Variants in RBM5 observed in about 807,000 individuals in gnomAD.
RBM5 encodes the protein RNA-binding protein 5.
RBM5 carries 15 observed loss-of-function variants against 124.6 expected under a neutral mutation model. The observed-to-expected ratio is 0.12, with a 90% CI of 0.08 to 0.19. RBM5 has a LOEUF of 0.19. RBM5 is among the 10% of genes least tolerant of loss of function. RBM5 has a pLI of 1.00. For synonymous variants in RBM5, 337 were observed against 361.2 expected (o/e 0.93, Z 0.76); for missense variants, 580 against 1,026.5 (o/e 0.57, Z 5.94).
intron 2 of RBM5, among the ~76,000 whole-genome samples, chr3:50,091,577 T>C (rs1164347706): frequency 1.3e-5 from 2 of 152,186 alleles, no homozygotes; most frequent in African/African-American, 4.8e-5. Flanking sequence ...ACTTAGTTCA[T>C]CCAGGTTTTT....
chr3:50,111,306 A>G (rs1441958633), intron 17 of RBM5, among the ~76,000 whole-genome samples: 1 of 152,236 alleles, frequency 6.6e-6, no homozygotes, highest in Non-Finnish European at 1.5e-5. Context: ...GTCTAATCTC[A>G]GAACATTTTC....
chr3:50,106,981 T>G, intron 11 of RBM5, 117 bp downstream of exon 11: 1 of 882,550 alleles, frequency 1.1e-6, no homozygotes, highest in African/African-American at 1.7e-5. Flanking sequence ...CCTCCCTGAT[T>G]GCCAAGGCCA....
intron 4 of RBM5, among the ~76,000 whole-genome samples, chr3:50,098,517 A>G (rs916953860): frequency 2.6e-5 from 4 of 151,822 alleles, no homozygotes; most frequent in Admixed American, 2.0e-4. Context: ...ATCTCGGCTC[A>G]CTGCAACCTC....
chr3:50,117,421 G>A lies in RBM5; in HGVS notation c.2322+42G>A, dbSNP rs762990104. 6.2e-7 allele frequency: 1 copy of A among 1,609,732 alleles called. No homozygotes were observed. The highest frequency in any genetic ancestry group is 1.1e-5 in the South Asian group (1 of 90,726). ...GGTCTTGATGTTTGCCAGGCTTACA[G>A]GCCGGTTCCAGAGATGAGATCAGAG... On this transcript the variant is annotated intron_variant, in intron 24 of 24. Transcript: ENST00000347869. The surrounding 1 kb of genome is among the most constrained non-coding windows in gnomAD (Gnocchi z 4.2).
At chr3:50,105,768 G>T in intron 10 of RBM5, 59 bp downstream of exon 10, 1 of 1,565,440 alleles carries the variant, frequency 6.4e-7, no homozygotes, top group Non-Finnish European at 8.7e-7. Flanking sequence ...GGCAAATGTG[G>T]TTCATCCAGT....
intron 20 of RBM5, 66 bp downstream of exon 20, chr3:50,114,317 C>T (rs2091201608): frequency 6.8e-7 from 1 of 1,471,650 alleles, no homozygotes; most frequent in Middle Eastern, 2.4e-4. Flanking sequence ...TAAGGCTCAA[C>T]TGCATCTTGG....
chr3:50,099,933 T>C, intron 4 of RBM5, 49 bp from the exon 5 acceptor site: 1 of 1,524,800 alleles, frequency 6.6e-7, no homozygotes, highest in Non-Finnish European at 9.0e-7. Context: ...CCATGGGGAA[T>C]AGTGTGTGGC....
At chr3:50,094,578 C>T (rs965095595) in intron 4 of RBM5, among the ~76,000 whole-genome samples, 32 of 152,198 alleles carry the variant, frequency 2.1e-4, no homozygotes, top group Non-Finnish European at 5.9e-5. Context: ...ACTGCAGCCT[C>T]AAACTCCTGG....
At chr3:50,109,567 G>A in intron 14 of RBM5, 36 bp from the exon 15 acceptor site, 1 of 1,571,494 alleles carries the variant, frequency 6.4e-7, no homozygotes. Flanking sequence ...GGCGTTCAGT[G>A]CCTTGGCTTT....
At chr3:50,089,863 G>A (rs1325012256) in intron 1 of RBM5, 1 of 155,422 alleles carries the variant, frequency 6.4e-6, no homozygotes, top group Non-Finnish European at 1.4e-5. Flanking sequence ...TTCTAGCTTT[G>A]CTCTTGTCTT....
intron 4 of RBM5, among the ~76,000 whole-genome samples, chr3:50,099,146 T>A (rs149753407): frequency 6.6e-6 from 1 of 151,894 alleles, no homozygotes; most frequent in African/African-American, 2.4e-5. Flanking sequence ...TCCCAGCTAC[T>A]TAGGAGGCTG....
intron 6 of RBM5, chr3:50,102,402 A>C (rs1047741716): frequency 2.6e-5 from 4 of 152,164 alleles, no homozygotes; most frequent in African/African-American, 9.7e-5. Context: ...CCTTGAAGAG[A>C]GTACCATCCA....
chr3:50,101,943 T>A (rs1053500851), intron 6 of RBM5: 2 of 152,206 alleles, frequency 1.3e-5, no homozygotes, highest in Admixed American at 1.3e-4. Context: ...TATATCACAG[T>A]GAGTGGATGG....
At chr3:50,090,493 TGGGG>T in intron 2 of RBM5, 42 bp downstream of exon 2, 1 of 1,608,666 alleles carries the variant, frequency 6.2e-7, no homozygotes, top group Non-Finnish European at 8.5e-7. Context: ...AACATTTCAG[TGGGG>T]ACTGAACTCC....
intron 16 of RBM5, 34 bp downstream of exon 16, chr3:50,110,497 G>A: frequency 6.3e-7 from 1 of 1,586,620 alleles, no homozygotes; most frequent in Non-Finnish European, 8.7e-7. Flanking sequence ...TTGACAGTTG[G>A]AAGGTCTTAG....
chr3:50,091,712 C>G (rs2090705854), intron 2 of RBM5, among the ~76,000 whole-genome samples: 1 of 152,144 alleles, frequency 6.6e-6, no homozygotes, highest in Admixed American at 6.5e-5. Flanking sequence ...TCACTAAGAT[C>G]TGAATCAGGG....
At chr3:50,091,372 G>A (rs1228003158) in intron 2 of RBM5, among the ~76,000 whole-genome samples, 1 of 152,154 alleles carries the variant, frequency 6.6e-6, no homozygotes, top group African/African-American at 2.4e-5. Flanking sequence ...TTTACAAAAG[G>A]TGTATTTTAT....
chr3:50,092,140 T>A lies in RBM5; in HGVS notation c.115T>A (p.Tyr39Asn). Reference protein sequence around the residue: ...ESRSRRRDSDYKRSSDDRRGD... With the variant: ...ESRSRRRDSDNKRSSDDRRGD... ...CCGAAGCAGGCGGAGGGACTCAGAT[T>A]ACAAAAGATCTAGTGATGATCGGAG... The change falls in exon 3 of 25, where the codon TAC (tyrosine) becomes AAC (asparagine). Residue 39 changes from tyrosine to asparagine, a missense_variant. Physicochemically the swap from Tyr to Asn is moderately radical, Grantham distance 143. Transcript: ENST00000347869. 1 of 1,613,944 alleles carries A rather than the reference T, an allele frequency of 6.2e-7. No individual in the cohort carries two copies. The highest frequency in any genetic ancestry group is 8.5e-7 in the Non-Finnish European group (1 of 1,179,984).
intron 10 of RBM5, 125 bp from the exon 11 acceptor site, chr3:50,106,642 C>T: frequency 1.5e-6 from 1 of 675,814 alleles, no homozygotes; most frequent in Non-Finnish European, 2.5e-6. Context: ...TTCATATCTG[C>T]AAACACAATA....
Sources: allele counts gnomAD v4.1 joint callset (sites outside exome capture counted in the v4.1 genomes callset), GRCh38; gene constraint gnomAD v4.1.1; non-coding constraint Gnocchi (gnomAD v3.1); transcripts MANE v1.5; gene names NCBI Gene and HGNC (gene_info 2026-07-23, HGNC 2026-07-21).